NLE1: variants seen among roughly 807,000 people sequenced by gnomAD.
The protein encoded by NLE1 is notchless protein homolog 1.
In NLE1, 37 loss-of-function variants were observed where a neutral mutation model predicts 62.8. The observed-to-expected ratio is 0.59, with a 90% confidence interval of 0.45 to 0.78. The LOEUF (loss-of-function observed/expected upper bound fraction) is 0.78, where lower values mean the gene tolerates loss of function less well. NLE1 is among the 30% of genes least tolerant of loss of function. NLE1 has a pLI of 0.00. For synonymous variants in NLE1, 243 were observed against 253.0 expected, an observed-to-expected ratio of 0.96 and a Z score of 0.37; for missense variants, 555 against 637.9, an observed-to-expected ratio of 0.87 and a Z score of 1.40.
intron 4 of NLE1, 133 bp downstream of exon 4, chr17:35,139,102 C>T: frequency 1.5e-6 from 1 of 678,468 alleles, no homozygotes; most frequent in Non-Finnish European, 2.5e-6. Context: ...CTGCTTGAAC[C>T]CAGGAGTTCA....
At chr17:35,140,117 A>G in intron 2 of NLE1, 51 bp from the exon 3 acceptor site, 1 of 1,580,464 alleles carries the variant, frequency 6.3e-7, no homozygotes, top group Non-Finnish European at 8.6e-7. Context: ...GTGCAGGGGC[A>G]CCCTCTGCCA....
In NLE1 at chr17:35,131,730, A is replaced by C. The variant is rs559798347; in HGVS notation, c.*707T>G. 2.6e-5 allele frequency: 4 copies of C among 152,570 alleles called. No homozygotes were observed. The East Asian group carries it at 7.7e-4, about 29-fold the overall frequency. The allele number at this position is 152,570 out of a possible 1,614,324, so 9.5% of individuals were successfully genotyped here. A position where few individuals can be genotyped will look rare whatever the true frequency, so the allele number is the denominator to read the frequency against. The stretch of plus-strand genomic sequence containing the variant: ...ATCCCCTGGAGCAGGGCTGACCAGC[A>C]GAACTCTCTTGATGATGAAAACCTT... On this transcript the variant is annotated 3_prime_UTR_variant, in exon 13 of 13. Coordinates refer to ENST00000442241, the MANE Select transcript of NLE1 (RefSeq NM_018096.5).
chr17:35,132,523 C>T, intron 12 of NLE1, 74 bp from the exon 13 acceptor site: 1 of 1,238,102 alleles, frequency 8.1e-7, no homozygotes. Context: ...ATCCCAGTGT[C>T]AACAGACGGA....
In NLE1 at chr17:35,142,290, T is replaced by C; in HGVS notation, c.-15A>G. 1.3e-6 allele frequency: 2 copies of C among 1,538,182 alleles called. No homozygotes were observed. The highest frequency in any genetic ancestry group is 1.7e-6 in the Non-Finnish European group (2 of 1,145,220). ...GCTGCCGCCATCCTGCGTCCCCACG[T>C]GGAGGAGAAAGAGCCCGGCAGACAG... On this transcript the variant is annotated 5_prime_UTR_variant, in exon 1 of 13. Transcript: ENST00000442241.
Position 35,137,043 on chromosome 17 carries a change from A to C in NLE1, c.786T>G (p.Ser262=). ...CTTTGATGGTGCGGTCCTGGGAGGC[A>C]GAGTAGAGAAGCCCGTCCCCTCCCC... ...LRWGGDGLLY[S]ASQDRTIKVW... is the part of the protein sequence containing the mutation. Residue 262 remains serine (S), a synonymous_variant, in exon 7 of 13, where the codon TCT becomes TCG. Coordinates refer to ENST00000442241, the MANE Select transcript of NLE1 (RefSeq NM_018096.5). 1 of 1,613,600 alleles carries C rather than the reference A, an allele frequency of 6.2e-7. No individual in the cohort carries two copies. The highest frequency in any genetic ancestry group is 8.5e-7 in the Non-Finnish European group (1 of 1,179,660).
chr17:35,141,680 C>T (rs565756288), intron 2 of NLE1, among the ~76,000 whole-genome samples: 1 of 152,346 alleles, frequency 6.6e-6, no homozygotes, highest in African/African-American at 2.4e-5. Flanking sequence ...TCCCTCCGGG[C>T]CACGCTGTAA....
At position 35,130,289 on chromosome 17, in the gene NLE1, C is replaced by T. The variant is rs754801014; in HGVS notation, c.*2148G>A. On this transcript the variant is annotated 3_prime_UTR_variant, in exon 13 of 13. Transcript: ENST00000442241. ...TTTCTTGTTTCACTTCAGTTTGCAA[C>T]CCTGGCCACTGACTTCAGCAGCTTT... 1 of 1,613,814 alleles carries T rather than the reference C, an allele frequency of 6.2e-7. No homozygotes were observed. The highest frequency in any genetic ancestry group is 8.5e-7 in the Non-Finnish European group (1 of 1,179,836).
Position 35,130,378 on chromosome 17 carries a change from A to T in NLE1, c.*2059T>A, listed in dbSNP as rs780753986. 3 of 1,613,996 alleles carry T rather than the reference A, an allele frequency of 1.9e-6. No individual in the cohort carries two copies. The highest frequency in any genetic ancestry group is 1.1e-5 in the South Asian group (1 of 91,094). On this transcript the variant is annotated 3_prime_UTR_variant, in exon 13 of 13. Transcript: ENST00000442241. Reference sequence around the variant, plus strand: ...GGAACCCCGGCAAAAGATCGTGTCCATCGGGCCGGAGGAGATGCGGAGGCT... The same window carrying T: ...GGAACCCCGGCAAAAGATCGTGTCCTTCGGGCCGGAGGAGATGCGGAGGCT...
Position 35,130,735 on chromosome 17 carries a change from C to T in NLE1, c.*1702G>A, listed in dbSNP as rs1457621461. Reference sequence around the variant, plus strand: ...AAAGAACTGCAGGTCATCCAGCACCCTAAAGTCTGCTTTATGCTGCAGACA... The same window carrying T: ...AAAGAACTGCAGGTCATCCAGCACCTTAAAGTCTGCTTTATGCTGCAGACA... On this transcript the variant is annotated 3_prime_UTR_variant, in exon 13 of 13. Transcript: ENST00000442241. The T allele has an allele frequency of 3.0e-6, 1 of 336,524 alleles. No homozygotes were observed. Among genetic ancestry groups the T allele is most frequent in the Non-Finnish European group, 5.5e-6 (1 of 181,224 alleles). 20.8% of individuals were successfully genotyped at this position (336,524 alleles called of 1,614,324 possible).
In NLE1 at chr17:35,129,120, T is replaced by C; in HGVS notation, c.*3317A>G. ...AATCTCCTCCTGCTGTGCTATCCAG[T>C]TCCTAACAGGCCATGGACTGCTATC... On this transcript the variant is annotated 3_prime_UTR_variant, in exon 13 of 13. Transcript: ENST00000442241. 3.2e-6 allele frequency: 1 copy of C among 315,212 alleles called. No individual in the cohort carries two copies. The highest frequency in any genetic ancestry group is 5.8e-5 in the East Asian group (1 of 17,256). The allele number at this position is 315,212 out of a possible 1,614,324, so 19.5% of individuals were successfully genotyped here.
In NLE1 at chr17:35,139,751, C is replaced by T. The variant is rs565904118; in HGVS notation, c.380+98G>A. Reference sequence around the variant, plus strand: ...GAGCTTGGGTCTATGGTAGGCAGCCCTGAGGCCCCATCAATTATAACTCTG... The same window carrying T: ...GAGCTTGGGTCTATGGTAGGCAGCCTTGAGGCCCCATCAATTATAACTCTG... On this transcript the variant is annotated intron_variant, in intron 3 of 12. Coordinates refer to ENST00000442241, the MANE Select transcript of NLE1 (RefSeq NM_018096.5). 21 of 1,517,576 alleles carry T rather than the reference C, an allele frequency of 1.4e-5. 1 individual carries two copies. In the Admixed American group the frequency reaches 3.8e-4, roughly 28 times the overall value. The allele number at this position is 1,517,576 out of a possible 1,614,324, so 94.0% of individuals were successfully genotyped here.
chr17:35,129,989 A>T lies in NLE1; in HGVS notation c.*2448T>A. 3 of 1,378,280 alleles carry T rather than the reference A, an allele frequency of 2.2e-6. No homozygotes were observed. Among genetic ancestry groups the T allele is most frequent in the Non-Finnish European group, 1.9e-6 (2 of 1,067,200 alleles). 85.4% of individuals were successfully genotyped at this position (1,378,280 alleles called of 1,614,324 possible). ...GTCAAGGGCATTGAAAGAAATAGGGAAGACAAGAGGCTAAAGGGGGACGAA... is the reference window on the plus strand; with the variant it reads ...GTCAAGGGCATTGAAAGAAATAGGGTAGACAAGAGGCTAAAGGGGGACGAA... On this transcript the variant is annotated 3_prime_UTR_variant, in exon 13 of 13. Transcript: ENST00000442241.
In NLE1 at chr17:35,130,398, G is replaced by A. The variant is rs148514334; in HGVS notation, c.*2039C>T. 3 of 1,614,092 alleles carry A rather than the reference G, an allele frequency of 1.9e-6. No individual in the cohort carries two copies. The highest frequency in any genetic ancestry group is 2.5e-6 in the Non-Finnish European group (3 of 1,179,992). On this transcript the variant is annotated 3_prime_UTR_variant, in exon 13 of 13. Coordinates refer to ENST00000442241, the MANE Select transcript of NLE1 (RefSeq NM_018096.5). ...TGTCCATCGGGCCGGAGGAGATGCG[G>A]AGGCTGGAGGATCTGGAATACCTAT... is the stretch of plus-strand genomic sequence containing the variant.
chr17:35,139,803 A>C (rs2091931462), intron 3 of NLE1, 46 bp downstream of exon 3: 4 of 1,594,638 alleles, frequency 2.5e-6, no homozygotes, highest in Non-Finnish European at 3.4e-6. Context: ...CCAGGCAAAG[A>C]CTGCACCCCC....
At chr17:35,133,067 C>T in intron 12 of NLE1, 104 bp downstream of exon 12, 7 of 1,147,172 alleles carry the variant, frequency 6.1e-6, no homozygotes, top group Non-Finnish European at 9.2e-6. Flanking sequence ...GTCTGAGCAC[C>T]TGGACGGCCC....
chr17:35,132,608 C>T (rs1262141559), intron 12 of NLE1, among the ~76,000 whole-genome samples, 159 bp from the exon 13 acceptor site: 1 of 152,148 alleles, frequency 6.6e-6, no homozygotes, highest in African/African-American at 2.4e-5. Context: ...ACTCAGGCTG[C>T]CCACTCACTG....
At chr17:35,135,055 C>A in intron 10 of NLE1, 194 bp downstream of exon 10, 1 of 681,946 alleles carries the variant, frequency 1.5e-6, no homozygotes, top group Non-Finnish European at 2.7e-6. Flanking sequence ...GAGTGAAAGT[C>A]ATCTCTAAAA....
At chr17:35,139,458 G>C (rs547709447) in intron 3 of NLE1, 144 bp from the exon 4 acceptor site, 4 of 673,016 alleles carry the variant, frequency 5.9e-6, no homozygotes, top group Admixed American at 5.4e-5. Flanking sequence ...TCCTCTGGGA[G>C]AATACATCAG....
At position 35,133,448 on chromosome 17, in the gene NLE1, C is replaced by G. The variant is rs779269491; in HGVS notation, c.1265G>C (p.Trp422Ser). 1 of 1,614,024 alleles carries G rather than the reference C, an allele frequency of 6.2e-7. No individual in the cohort carries two copies. The highest frequency in any genetic ancestry group is 8.5e-7 in the Non-Finnish European group (1 of 1,180,018). The change falls in exon 11 of 13, where the codon TGG becomes TCG. Residue 422 changes from tryptophan (W) to serine (S), a missense_variant. Physicochemically the swap from Trp to Ser is radical, Grantham distance 177 (BLOSUM62 -3). Transcript: ENST00000442241. ...GACCAGGAGCCGACTGTCAGCTGAC[C>G]ACGCAATCTGGTACACGGCAGCCAC... ...GHVAAVYQIA[W>S]SADSRLLVSG... is the part of the protein sequence containing the mutation.
Sources: gnomAD v4.1 joint callset for allele counts (sites outside exome capture counted in the v4.1 genomes callset) on GRCh38, gnomAD v4.1.1 for gene constraint, MANE v1.5 for transcripts, NCBI Gene and HGNC (gene_info 2026-07-23, HGNC 2026-07-21) for gene names.